Variants in POU6F2 observed in about 807,000 individuals in gnomAD.
The protein encoded by POU6F2 is POU class 6 homeobox 2.
In POU6F2, 31 loss-of-function variants were observed where a neutral mutation model predicts 71.3. The ratio of observed to expected loss-of-function variants is 0.43; its 90% CI spans 0.33 to 0.59. The LOEUF is 0.59. Among genes scored for constraint, POU6F2 ranks in the 20% least tolerant of loss-of-function variants. The pLI is 0.04. For synonymous variants in POU6F2, 347 were observed against 355.7 expected (o/e 0.98, Z 0.27); for missense variants, 783 against 856.8 (o/e 0.91, Z 1.07).
At chr7:39,015,549 G>A (rs569657472) in intron 1 of POU6F2, among the ~76,000 whole-genome samples, 73 of 59,236 alleles carry the variant, frequency 1.2e-3, no homozygotes, top group African/African-American at 4.2e-3. Context: ...ATATATCTAT[G>A]TTTTATATAG....
At chr7:39,015,389 A>G (rs1273974693) in intron 1 of POU6F2, among the ~76,000 whole-genome samples, 2 of 129,560 alleles carry the variant, frequency 1.5e-5, no homozygotes, top group African/African-American at 5.7e-5. Context: ...AATATATAAT[A>G]GATATATATT....
intron 2 of POU6F2, among the ~76,000 whole-genome samples, chr7:39,147,522 A>G (rs1275323437): frequency 6.6e-6 from 1 of 152,224 alleles, no homozygotes; most frequent in Non-Finnish European, 1.5e-5. Flanking sequence ...ATTTGTAAAC[A>G]TTGATTTTTA....
In POU6F2 at chr7:39,164,844, G is replaced by A. The variant is rs1340767355; in HGVS notation, c.278-39391G>A. 2.0e-5 allele frequency among the ~76,000 whole-genome samples: 3 copies of A among 152,114 alleles called. No homozygotes were observed. In the East Asian group the frequency reaches 5.8e-4, roughly 29 times the overall value. ...TATTTCTTTACGGCAGGCTTTACAA[G>A]GAGATGCTGATCCTCTCCAGTAAGC... On this transcript the variant is annotated intron_variant, in intron 2 of 9. Transcript: ENST00000518318.
intron 2 of POU6F2, among the ~76,000 whole-genome samples, chr7:39,158,479 G>A (rs1792920170): frequency 6.6e-6 from 1 of 152,106 alleles, no homozygotes. Context: ...TGATTATGGA[G>A]GCTGAGAAGT....
intron 4 of POU6F2, among the ~76,000 whole-genome samples, chr7:39,228,822 C>T (rs1794520684): frequency 6.6e-6 from 1 of 152,234 alleles, no homozygotes; most frequent in Admixed American, 6.5e-5. Flanking sequence ...GAATAATTAC[C>T]TTAATTAATA....
chr7:38,989,371 A>C (rs1788541875), intron 1 of POU6F2, among the ~76,000 whole-genome samples: 2 of 151,996 alleles, frequency 1.3e-5, no homozygotes, highest in African/African-American at 2.4e-5. Context: ...TTGTTTAATA[A>C]TTAAAACTAT....
At chr7:39,296,480 G>A (rs190340571) in intron 4 of POU6F2, among the ~76,000 whole-genome samples, 3 of 152,254 alleles carry the variant, frequency 2.0e-5, no homozygotes, top group African/African-American at 4.8e-5. Flanking sequence ...TGCAACCAGC[G>A]TGATCTTCTC....
chr7:39,357,334 G>A (rs890240429), intron 5 of POU6F2, among the ~76,000 whole-genome samples: 2 of 152,164 alleles, frequency 1.3e-5, no homozygotes, highest in African/African-American at 4.8e-5. Context: ...GCCAGGCACT[G>A]TCCTAGGTGT....
chr7:39,453,185 T>A (rs1426608992), intron 8 of POU6F2, among the ~76,000 whole-genome samples: 4 of 152,226 alleles, frequency 2.6e-5, no homozygotes, highest in Non-Finnish European at 4.4e-5. Context: ...AGGATACATA[T>A]GCATTTTCCA....
intron 1 of POU6F2, among the ~76,000 whole-genome samples, chr7:39,056,497 G>T (rs1226729797): frequency 6.6e-6 from 1 of 151,738 alleles, no homozygotes; most frequent in Non-Finnish European, 1.5e-5. Flanking sequence ...ATTTTCTTTT[G>T]TTGTCTCCTT....
intron 1 of POU6F2, among the ~76,000 whole-genome samples, chr7:39,073,784 G>A (rs578161296): frequency 1.3e-5 from 2 of 152,228 alleles, no homozygotes; most frequent in African/African-American, 2.4e-5. Context: ...AGTTCCCAGC[G>A]TGTGCTATTG....
intron 4 of POU6F2, 97 bp downstream of exon 4, chr7:39,207,717 G>A (rs2128746007): frequency 8.6e-7 from 1 of 1,169,320 alleles, no homozygotes; most frequent in African/African-American, 1.5e-5. Flanking sequence ...GGTGAATGTG[G>A]TTCAGAGTTG....
intron 4 of POU6F2, among the ~76,000 whole-genome samples, chr7:39,304,544 G>GAA (rs72575102): frequency 2.0e-5 from 3 of 150,980 alleles, no homozygotes; most frequent in East Asian, 1.9e-4. Flanking sequence ...AAAGACAGGA[G>GAA]AAAAAAAATC....
chr7:39,385,515 A>G (rs1006245948), intron 5 of POU6F2, among the ~76,000 whole-genome samples: 1 of 152,232 alleles, frequency 6.6e-6, no homozygotes, highest in African/African-American at 2.4e-5. Context: ...CAAGTTGCTC[A>G]GAGTGGTCAG....
chr7:39,173,393 C>G lies in POU6F2; in HGVS notation c.278-30842C>G, dbSNP rs533103347. Reference sequence around the variant, plus strand: ...CTTTTCTATGCTTCAGTTTGTCTGTCTGTAAAACAGGAATAGTCATAGTAA... The same window carrying G: ...CTTTTCTATGCTTCAGTTTGTCTGTGTGTAAAACAGGAATAGTCATAGTAA... On this transcript the variant is annotated intron_variant, in intron 2 of 9. Transcript: ENST00000518318. Among the ~76,000 whole-genome samples, 7 of 152,296 alleles carry G rather than the reference C, an allele frequency of 4.6e-5. No individual in the cohort carries two copies. In the East Asian group the frequency reaches 7.7e-4, roughly 17 times the overall value.
chr7:39,460,578 G>A lies in POU6F2; in HGVS notation c.1521G>A (p.Gly507=), dbSNP rs763359456. ...AAACGGCAGCGGGTGAGGTGGATGG[G>A]GTTAATCTGGAGGAGATCCGAGAAT... is the stretch of plus-strand genomic sequence containing the variant. ...NPQTAAGEVD[G]VNLEEIREFA... is the part of the protein sequence containing the mutation. The change falls in exon 9 of 10, where the codon GGG becomes GGA. Residue 507 remains glycine, a synonymous_variant. Coordinates refer to ENST00000518318, the MANE Select transcript of POU6F2 (RefSeq NM_001370959.1). This position sits in a 1 kb window ranked among gnomAD's most constrained non-coding sequence, Gnocchi z 4.4. The A allele has an allele frequency of 1.9e-6, 3 of 1,613,630 alleles. No individual in the cohort carries two copies. Among genetic ancestry groups the A allele is most frequent in the Non-Finnish European group, 2.5e-6 (3 of 1,179,782 alleles).
intron 9 of POU6F2, among the ~76,000 whole-genome samples, chr7:39,461,311 C>T (rs1440693330): frequency 6.6e-6 from 1 of 152,170 alleles, no homozygotes; most frequent in Non-Finnish European, 1.5e-5. Context: ...TAACCTTGCT[C>T]ATCTCCCCCA....
At chr7:39,207,233 A>T (rs959370665) in intron 3 of POU6F2, among the ~76,000 whole-genome samples, 159 bp from the exon 4 acceptor site, 8 of 152,114 alleles carry the variant, frequency 5.3e-5, no homozygotes, top group Non-Finnish European at 1.0e-4. Context: ...AACTTTGAAA[A>T]TTTTTTTCTA....
chr7:39,455,020 T>A (rs999562628), intron 8 of POU6F2, among the ~76,000 whole-genome samples: 6 of 152,014 alleles, frequency 3.9e-5, no homozygotes, highest in African/African-American at 1.4e-4. Flanking sequence ...TGCACAATAC[T>A]TATTTATAGC....
Sources: allele counts gnomAD v4.1 joint callset (sites outside exome capture counted in the v4.1 genomes callset), GRCh38; gene constraint gnomAD v4.1.1; non-coding constraint Gnocchi (gnomAD v3.1); transcripts MANE v1.5; gene names NCBI Gene and HGNC (gene_info 2026-07-23, HGNC 2026-07-21).